FUT8: variants seen among roughly 807,000 people sequenced by gnomAD.
FUT8 encodes alpha-(1,6)-fucosyltransferase.
Under a neutral mutation model 71.3 loss-of-function variants are expected in FUT8, and 29 were observed. The ratio of observed to expected loss-of-function variants is 0.41; its 90% CI spans 0.30 to 0.55. The LOEUF is 0.55. Ranked by LOEUF, FUT8 falls within the 20% of genes least tolerant of loss-of-function variation. The probability of loss-of-function intolerance (pLI) is 0.34; values close to 1 mark genes in which losing one functional copy is unlikely to be tolerated. For missense variants in FUT8, 544 were observed against 702.1 expected (o/e 0.77, Z 2.55); for synonymous variants, 254 against 239.3 (o/e 1.06, Z -0.57).
At chr14:65,408,629 A>C (rs1324753753), upstream of FUT8, among the ~76,000 whole-genome samples, 1 of 152,244 alleles carries the variant, frequency 6.6e-6, no homozygotes, top group Non-Finnish European at 1.5e-5. Flanking sequence ...ATTAGAAATC[A>C]ATAGTGTGAA....
At chr14:65,707,987 T>C (rs1436456284) in intron 7 of FUT8, among the ~76,000 whole-genome samples, 2 of 152,242 alleles carry the variant, frequency 1.3e-5, no homozygotes, top group Non-Finnish European at 2.9e-5. Context: ...GGATTGTTTT[T>C]TCTATTTCTG....
chr14:65,724,102 C>T (rs779186559), intron 8 of FUT8, 45 bp from the exon 9 acceptor site: 2 of 1,413,414 alleles, frequency 1.4e-6, no homozygotes, highest in Non-Finnish European at 9.4e-7. Context: ...CCTCAAAGCA[C>T]CCAGTGTCAG....
chr14:65,686,229 G>T (rs28694288), intron 7 of FUT8, among the ~76,000 whole-genome samples: 1 of 152,158 alleles, frequency 6.6e-6, no homozygotes, highest in Non-Finnish European at 1.5e-5. Context: ...CTTTTTGGCA[G>T]CTGGCTTTAT....
At chr14:65,410,395 G>T (rs2065109750), upstream of FUT8, among the ~76,000 whole-genome samples, 1 of 152,150 alleles carries the variant, frequency 6.6e-6, no homozygotes, top group Non-Finnish European at 1.5e-5. Flanking sequence ...AAAGGGTTTT[G>T]ATAATAATGT....
intron 3 of FUT8, among the ~76,000 whole-genome samples, chr14:65,596,532 T>A (rs1454204013): frequency 3.3e-5 from 5 of 152,218 alleles, no homozygotes; most frequent in African/African-American, 1.2e-4. Context: ...CTGAAGTTTT[T>A]AAGAGCCATC....
At chr14:65,434,725 G>A (rs1178444959) in intron 1 of FUT8, among the ~76,000 whole-genome samples, 1 of 152,162 alleles carries the variant, frequency 6.6e-6, no homozygotes, top group African/African-American at 2.4e-5. Context: ...GCTCAGTGGA[G>A]GCAGCTGTAT....
intron 2 of FUT8, among the ~76,000 whole-genome samples, chr14:65,527,448 T>G (rs1195326492): frequency 6.6e-6 from 1 of 152,170 alleles, no homozygotes; most frequent in Non-Finnish European, 1.5e-5. Context: ...CACTGGTTAT[T>G]CTAGTTAATC....
intron 1 of FUT8, among the ~76,000 whole-genome samples, chr14:65,429,043 T>C (rs867972): frequency 0.35 from 52,792 of 152,026 alleles, 11,441 homozygotes; most frequent in Non-Finnish European, 0.49. Flanking sequence ...ATTTAAAAAA[T>C]AGTGTACATG....
At position 65,629,596 on chromosome 14, in the gene FUT8, C is replaced by T; in HGVS notation, c.587C>T (p.Thr196Ile). The T allele has an allele frequency of 1.9e-6, 3 of 1,609,436 alleles. No homozygotes were observed. The highest frequency in any genetic ancestry group is 1.1e-5 in the South Asian group (1 of 90,950). ...ACAGAACTGGTTCAGCGGAGAATAA[C>T]ATATCTTCAGGTAAGAAGGTTGGGT... ...DLTELVQRRI[T>I]YLQNPKDCSK... Residue 196 changes from threonine (T) to isoleucine (I), a missense_variant, in exon 6 of 11, where the codon ACA (threonine) becomes ATA (isoleucine). Physicochemically the swap from Thr to Ile is moderately conservative, Grantham distance 89 (BLOSUM62 -1). Transcript: ENST00000673929.
intron 6 of FUT8, among the ~76,000 whole-genome samples, chr14:65,649,701 A>G (rs960843621): frequency 2.6e-5 from 4 of 152,258 alleles, no homozygotes; most frequent in Non-Finnish European, 5.9e-5. Context: ...ATGAGAGTTC[A>G]TTTCAAATAA....
intron 2 of FUT8, among the ~76,000 whole-genome samples, chr14:65,515,726 T>G (rs1231649258): frequency 1.3e-5 from 2 of 152,178 alleles, no homozygotes; most frequent in Non-Finnish European, 2.9e-5. Context: ...AATCACAGAA[T>G]AGAAATCAAT....
intron 6 of FUT8, among the ~76,000 whole-genome samples, chr14:65,630,793 A>G (rs759416332): frequency 2.6e-5 from 4 of 152,214 alleles, no homozygotes; most frequent in African/African-American, 4.8e-5. Context: ...GGGGAAAACA[A>G]TGAGTCAGTA....
rs533379796 is a variant in FUT8, at chr14:65,652,450, T to C, written c.598-16793T>C. On this transcript the variant is annotated intron_variant, in intron 6 of 10. Transcript: ENST00000673929. The surrounding 1 kb of genome is among the most constrained non-coding windows in gnomAD (Gnocchi z 4.0). Reference sequence around the variant, plus strand: ...TACTTCTTCTTCTGGCCTTTGGATATGATGTGAGAAGCTTGAGAGGACATG... The same window carrying C: ...TACTTCTTCTTCTGGCCTTTGGATACGATGTGAGAAGCTTGAGAGGACATG... 6.6e-6 allele frequency among the ~76,000 whole-genome samples: 1 copy of C among 152,282 alleles called. No homozygotes were observed. The highest frequency in any genetic ancestry group is 2.1e-4 in the South Asian group (1 of 4,824).
At chr14:65,566,290 A>G (rs1473251457) in intron 3 of FUT8, among the ~76,000 whole-genome samples, 4 of 152,000 alleles carry the variant, frequency 2.6e-5, no homozygotes, top group African/African-American at 4.8e-5. Context: ...CACAGTGTCA[A>G]TTCTGCCACA....
At chr14:65,469,989 C>T (rs1473383562) in intron 2 of FUT8, among the ~76,000 whole-genome samples, 1 of 152,210 alleles carries the variant, frequency 6.6e-6, no homozygotes, top group Non-Finnish European at 1.5e-5. Context: ...TATCTGGGGA[C>T]GTGCCCCCTT....
intron 6 of FUT8, among the ~76,000 whole-genome samples, chr14:65,629,873 TA>T (rs999805425): frequency 6.6e-6 from 1 of 151,292 alleles, no homozygotes; most frequent in African/African-American, 2.4e-5. Context: ...AATACAAATA[TA>T]ACATCTTACA....
chr14:65,366,479 C>G, the FUT8 span, among the ~76,000 whole-genome samples: 1 of 152,230 alleles, frequency 6.6e-6, no homozygotes, highest in Admixed American at 6.5e-5. Flanking sequence ...GAAATCCTGT[C>G]TTATGCTTTG....
In FUT8 at chr14:65,467,374, T is replaced by G. The variant is rs1429808904; in HGVS notation, c.-228+11656T>G. Among the ~76,000 whole-genome samples, 1 of 152,196 alleles carries G rather than the reference T, an allele frequency of 6.6e-6. No homozygotes were observed. The highest frequency in any genetic ancestry group is 6.5e-5 in the Admixed American group (1 of 15,280). On this transcript the variant is annotated intron_variant, in intron 2 of 10. Transcript: ENST00000673929. The surrounding 1 kb of genome is among the most constrained non-coding windows in gnomAD (Gnocchi z 4.1). ...GTGCAGTGGCACGATCTTGGCTCAC[T>G]GCAACCACTGCCTCCCGGGTTCAAG... is the stretch of plus-strand genomic sequence containing the variant.
intron 2 of FUT8, among the ~76,000 whole-genome samples, chr14:65,492,292 G>T (rs1291451219): frequency 6.6e-6 from 1 of 152,130 alleles, no homozygotes; most frequent in Non-Finnish European, 1.5e-5. Context: ...TAGCCTAAAG[G>T]TTTTTGAGCT....
Sources: allele counts gnomAD v4.1 joint callset (sites outside exome capture counted in the v4.1 genomes callset), GRCh38; gene constraint gnomAD v4.1.1; non-coding constraint Gnocchi (gnomAD v3.1); transcripts MANE v1.5; gene names NCBI Gene and HGNC (gene_info 2026-07-23, HGNC 2026-07-21).